The following UBE2E2 variants were observed in gnomAD, a reference collection of about 807,000 sequenced individuals.
UBE2E2 encodes the protein ubiquitin conjugating enzyme E2 E2, also known as ubiquitin-conjugating enzyme E2 E2.
Under a neutral mutation model 24.7 loss-of-function variants are expected in UBE2E2, and 6 were observed. That is an observed-to-expected ratio of 0.24 (90% CI 0.13 to 0.48). The LOEUF is 0.48. Among genes scored for constraint, UBE2E2 ranks in the 20% least tolerant of loss-of-function variants. The probability of loss-of-function intolerance (pLI) is 0.99; values close to 1 mark genes in which losing one functional copy is unlikely to be tolerated. For synonymous variants in UBE2E2, 104 were observed against 83.6 expected (o/e 1.24, Z -1.33); for missense variants, 169 against 245.0 (o/e 0.69, Z 2.07).
intron 3 of UBE2E2, among the ~76,000 whole-genome samples, chr3:23,342,577 T>C (rs752451274): frequency 5.3e-4 from 81 of 152,220 alleles, no homozygotes; most frequent in Non-Finnish European, 3.7e-4. Flanking sequence ...CCCCTGGTTA[T>C]AGAATGCACA....
chr3:23,371,023 T>C (rs1489861900), intron 3 of UBE2E2, among the ~76,000 whole-genome samples: 2 of 152,174 alleles, frequency 1.3e-5, no homozygotes, highest in East Asian at 3.8e-4. Flanking sequence ...TGTGTACTTT[T>C]TTATTTTAAA....
chr3:23,419,424 A>G (rs1697739721), intron 3 of UBE2E2, among the ~76,000 whole-genome samples: 1 of 152,216 alleles, frequency 6.6e-6, no homozygotes, highest in African/African-American at 2.4e-5. Flanking sequence ...TGAGTTGTCA[A>G]CATGTAGTAC....
intron 4 of UBE2E2, among the ~76,000 whole-genome samples, chr3:23,531,120 T>C (rs550356341): frequency 1.6e-4 from 24 of 152,310 alleles, no homozygotes; most frequent in African/African-American, 4.3e-4. Flanking sequence ...GAATGATGTC[T>C]CTTGTTCGAC....
intron 3 of UBE2E2, among the ~76,000 whole-genome samples, chr3:23,321,359 C>T (rs1267997470): frequency 6.6e-6 from 1 of 152,060 alleles, no homozygotes; most frequent in East Asian, 1.9e-4. Flanking sequence ...TGTGTGTATA[C>T]TTGTTTGTGA....
chr3:23,556,454 T>TAAAAAAAAAAAAAAAAA lies in UBE2E2; in HGVS notation c.508+23755_508+23771dup, dbSNP rs5847239. Among the ~76,000 whole-genome samples, 13 of 94,340 alleles carry TAAAAAAAAAAAAAAAAA rather than the reference T, an allele frequency of 1.4e-4. 2 individuals carry two copies. Among genetic ancestry groups the TAAAAAAAAAAAAAAAAA allele is most frequent in the African/African-American group, 3.2e-4 (7 of 22,210 alleles). 61.9% of individuals were successfully genotyped at this position (94,340 alleles called of 152,430 possible). ...CCATGCCCAGCCAATAAAATTTATT[T>TAAAAAAAAAAAAAAAAA]AAAAAAAAAAAAAAAAAAGCTATAC... is the stretch of plus-strand genomic sequence containing the variant. On this transcript the variant is annotated intron_variant, in intron 5 of 5. Coordinates refer to ENST00000396703, the MANE Select transcript of UBE2E2 (RefSeq NM_152653.4).
intron 5 of UBE2E2, among the ~76,000 whole-genome samples, chr3:23,581,632 G>A (rs952172669): frequency 2.0e-4 from 31 of 152,188 alleles, no homozygotes; most frequent in Admixed American, 3.9e-4. Flanking sequence ...CTCCGTGGTG[G>A]AACTAAGTTA....
chr3:23,354,084 A>G (rs998700953), intron 3 of UBE2E2, among the ~76,000 whole-genome samples: 9 of 152,200 alleles, frequency 5.9e-5, no homozygotes, highest in East Asian at 1.9e-4. Flanking sequence ...ATAACGCCAC[A>G]TATCTACAAC....
At chr3:23,537,719 C>T (rs1695298894) in intron 5 of UBE2E2, among the ~76,000 whole-genome samples, 2 of 152,044 alleles carry the variant, frequency 1.3e-5, no homozygotes, top group African/African-American at 2.4e-5. Context: ...AATTCTTATT[C>T]ATAAATTGTC....
intron 3 of UBE2E2, among the ~76,000 whole-genome samples, chr3:23,269,242 A>C (rs1361447273): frequency 1.3e-5 from 2 of 152,240 alleles, no homozygotes; most frequent in African/African-American, 4.8e-5. Flanking sequence ...CAGCAAAAGA[A>C]ACTACCATCA....
intron 3 of UBE2E2, among the ~76,000 whole-genome samples, chr3:23,281,207 C>T (rs1027327330): frequency 1.3e-5 from 2 of 151,842 alleles, no homozygotes; most frequent in East Asian, 1.9e-4. Context: ...GTAACACTTA[C>T]GTTAGTGAGG....
intron 3 of UBE2E2, among the ~76,000 whole-genome samples, chr3:23,432,964 T>C (rs1337003703): frequency 6.6e-6 from 1 of 151,976 alleles, no homozygotes; most frequent in African/African-American, 2.4e-5. Flanking sequence ...ATGATGCAAC[T>C]TGAATATATT....
At chr3:23,477,409 C>G (rs1423241620) in intron 3 of UBE2E2, among the ~76,000 whole-genome samples, 1 of 152,074 alleles carries the variant, frequency 6.6e-6, no homozygotes, top group African/African-American at 2.4e-5. Context: ...CTACCTTAAG[C>G]CTTGTTTTAT....
intron 2 of UBE2E2, among the ~76,000 whole-genome samples, chr3:23,212,331 C>T (rs1166803140): frequency 7.2e-5 from 11 of 152,090 alleles, no homozygotes; most frequent in African/African-American, 1.9e-4. Flanking sequence ...AGCCTGTTCT[C>T]TTGATATGTC....
chr3:23,538,593 A>G (rs566490598), intron 5 of UBE2E2, among the ~76,000 whole-genome samples: 22 of 152,102 alleles, frequency 1.4e-4, no homozygotes, highest in Admixed American at 9.2e-4. Flanking sequence ...TCCCTCCCCT[A>G]AGTTTCCCAT....
chr3:23,452,919 C>G (rs1263250889), intron 3 of UBE2E2, among the ~76,000 whole-genome samples: 1 of 152,138 alleles, frequency 6.6e-6, no homozygotes, highest in Non-Finnish European at 1.5e-5. Context: ...CAAATAGCAA[C>G]TATGTATTCT....
At chr3:23,219,863 C>T (rs1696577582) in intron 3 of UBE2E2, among the ~76,000 whole-genome samples, 3 of 152,104 alleles carry the variant, frequency 2.0e-5, no homozygotes, top group Admixed American at 1.3e-4. Context: ...TACTGGTTGT[C>T]TGGGTAGGGG....
chr3:23,211,100 G>A (rs1014774327), intron 2 of UBE2E2, among the ~76,000 whole-genome samples: 2 of 152,116 alleles, frequency 1.3e-5, no homozygotes, highest in Non-Finnish European at 2.9e-5. Flanking sequence ...ACAGTGCCTA[G>A]CAGAGTACAG....
intron 3 of UBE2E2, among the ~76,000 whole-genome samples, chr3:23,352,004 G>T (rs143626577): frequency 6.6e-6 from 1 of 152,100 alleles, no homozygotes; most frequent in Non-Finnish European, 1.5e-5. Context: ...CTCAGCAAAT[G>T]TAAAAGAACA....
chr3:23,360,761 A>G (rs1649292441), intron 3 of UBE2E2, among the ~76,000 whole-genome samples: 1 of 152,178 alleles, frequency 6.6e-6, no homozygotes, highest in South Asian at 2.1e-4. Context: ...TTGAAAGAAG[A>G]TGAGCCACTT....
Sources: gnomAD v4.1 joint callset for allele counts (sites outside exome capture counted in the v4.1 genomes callset) on GRCh38, gnomAD v4.1.1 for gene constraint, MANE v1.5 for transcripts, NCBI Gene and HGNC (gene_info 2026-07-23, HGNC 2026-07-21) for gene names.